The following EDIL3 variants were observed in gnomAD, a reference collection of about 807,000 sequenced individuals.
EDIL3 encodes EGF-like repeat and discoidin I-like domain-containing protein 3.
Under a neutral mutation model 67.4 loss-of-function variants are expected in EDIL3, and 37 were observed. The observed-to-expected ratio is 0.55, with a 90% confidence interval of 0.42 to 0.72. EDIL3 has a LOEUF of 0.72. EDIL3 is among the 30% of genes least tolerant of loss of function. EDIL3 has a pLI of 0.00. For synonymous variants in EDIL3, 195 were observed against 196.3 expected (o/e 0.99, Z 0.05); for missense variants, 527 against 586.3 (o/e 0.90, Z 1.04).
At chr5:83,960,255 A>C (rs1744585191) in intron 10 of EDIL3, among the ~76,000 whole-genome samples, 1 of 151,228 alleles carries the variant, frequency 6.6e-6, no homozygotes, top group Non-Finnish European at 1.5e-5. Context: ...TTTCATTAAA[A>C]AATTTTACAT....
intron 2 of EDIL3, among the ~76,000 whole-genome samples, chr5:84,238,664 T>TG (rs1744727230): frequency 1.2e-5 from 1 of 81,010 alleles, no homozygotes; most frequent in South Asian, 5.3e-4. Flanking sequence ...TAAAATTAAA[T>TG]GTTTTTTTTT....
At chr5:84,036,076 T>G (rs1746017658) in intron 9 of EDIL3, among the ~76,000 whole-genome samples, 1 of 152,198 alleles carries the variant, frequency 6.6e-6, no homozygotes, top group Admixed American at 6.5e-5. Flanking sequence ...TCTCATAGGA[T>G]AGTGTAACAA....
intron 3 of EDIL3, among the ~76,000 whole-genome samples, chr5:84,207,637 C>T (rs1744012743): frequency 6.6e-6 from 1 of 151,556 alleles, no homozygotes; most frequent in African/African-American, 2.4e-5. Flanking sequence ...CACTACCTGA[C>T]TTCAAACTAT....
intron 9 of EDIL3, chr5:84,048,177 A>G: frequency 5.0e-6 from 2 of 400,204 alleles, no homozygotes; most frequent in Admixed American, 6.6e-5. Flanking sequence ...GAAATATTGG[A>G]ACTGTGATTT....
At position 84,378,591 on chromosome 5, in the gene EDIL3, A is replaced by G. The variant is rs534101869; in HGVS notation, c.67+5717T>C. 1.2e-4 allele frequency among the ~76,000 whole-genome samples: 18 copies of G among 152,348 alleles called. 1 individual carries two copies. Among genetic ancestry groups the G allele is most frequent in the Admixed American group, 3.9e-4 (6 of 15,304 alleles). The stretch of plus-strand genomic sequence containing the variant: ...AAAGCCAAGAGAAATAAGCTTTTCT[A>G]TGATACATGATCTAAGACCTAACTA... On this transcript the variant is annotated intron_variant, in intron 1 of 10. Coordinates refer to ENST00000296591, the MANE Select transcript of EDIL3 (RefSeq NM_005711.5).
intron 1 of EDIL3, among the ~76,000 whole-genome samples, chr5:84,383,669 G>C (rs1299291113): frequency 1.3e-5 from 2 of 152,158 alleles, no homozygotes; most frequent in African/African-American, 4.8e-5. Context: ...GACTAGGAGA[G>C]GCGGGTTCCT....
At chr5:84,020,076 CAA>C (rs9293362) in intron 9 of EDIL3, among the ~76,000 whole-genome samples, 4,832 of 128,286 alleles carry the variant, frequency 0.038, 216 homozygotes, top group African/African-American at 0.11. Context: ...ATCTTTTGTA[CAA>C]AAAAAAAAAA....
intron 9 of EDIL3, among the ~76,000 whole-genome samples, chr5:84,023,953 T>G (rs1745767623): frequency 6.6e-6 from 1 of 152,202 alleles, no homozygotes; most frequent in Non-Finnish European, 1.5e-5. Context: ...AGATTAAATT[T>G]GAATAATTAA....
At chr5:84,086,615 A>G (rs962632968) in intron 6 of EDIL3, among the ~76,000 whole-genome samples, 2 of 152,028 alleles carry the variant, frequency 1.3e-5, no homozygotes, top group East Asian at 1.9e-4. Flanking sequence ...TGGCCCCTCC[A>G]AAAAGGGCTT....
In EDIL3 at chr5:83,978,883, T is replaced by C. The variant is rs561937022; in HGVS notation, c.1138-15523A>G. Among the ~76,000 whole-genome samples, 311 of 152,162 alleles carry C rather than the reference T, an allele frequency of 2.0e-3. 3 individuals are homozygous for C. The highest frequency in any genetic ancestry group is 3.5e-3 in the Non-Finnish European group (237 of 67,950). On this transcript the variant is annotated intron_variant, in intron 9 of 10. Transcript: ENST00000296591. ...ACTTCAAGTATTTCAGGAGAAAATA[T>C]GAAAGCTAGCATTTGTGACATGAAG... is the stretch of plus-strand genomic sequence containing the variant.
chr5:84,293,571 A>T (rs1400520951), intron 1 of EDIL3, among the ~76,000 whole-genome samples: 1 of 152,060 alleles, frequency 6.6e-6, no homozygotes, highest in Admixed American at 6.5e-5. Context: ...CATGTGTCCC[A>T]GTTAAATGTC....
At chr5:84,033,698 T>C (rs552275811) in intron 9 of EDIL3, among the ~76,000 whole-genome samples, 11 of 125,046 alleles carry the variant, frequency 8.8e-5, no homozygotes, top group South Asian at 2.8e-4. Flanking sequence ...AGCCAGACAT[T>C]GTCTCTAAAA....
At chr5:84,286,684 G>A (rs1159301437) in intron 1 of EDIL3, among the ~76,000 whole-genome samples, 2 of 152,138 alleles carry the variant, frequency 1.3e-5, no homozygotes, top group Admixed American at 6.6e-5. Flanking sequence ...TGGGGCAATA[G>A]AATAAATAGA....
At chr5:84,290,284 T>C (rs1269524196) in intron 1 of EDIL3, among the ~76,000 whole-genome samples, 1 of 152,136 alleles carries the variant, frequency 6.6e-6, no homozygotes, top group African/African-American at 2.4e-5. Context: ...CATGACACTA[T>C]CTGAGAGCTC....
chr5:83,978,645 G>A (rs1177277321), intron 9 of EDIL3, among the ~76,000 whole-genome samples: 1 of 151,924 alleles, frequency 6.6e-6, no homozygotes. Context: ...ACTGTTATAA[G>A]GATAGACAAG....
chr5:84,070,606 A>AGTGTGTGT (rs35930293), intron 6 of EDIL3, among the ~76,000 whole-genome samples: 3,537 of 144,684 alleles, frequency 0.024, 89 homozygotes, highest in African/African-American at 0.065. Flanking sequence ...TATGGTTAAG[A>AGTGTGTGT]GTGTGTGTGT....
chr5:84,371,444 TATATATAGAGAG>T (rs952205195), intron 1 of EDIL3, among the ~76,000 whole-genome samples: 52 of 70,112 alleles, frequency 7.4e-4, no homozygotes, highest in African/African-American at 2.4e-3. Flanking sequence ...TATATATATA[TATATATAGAGAG>T]AGAGAGAGAG....
At chr5:83,979,493 G>A (rs1220908001) in intron 9 of EDIL3, among the ~76,000 whole-genome samples, 1 of 151,988 alleles carries the variant, frequency 6.6e-6, no homozygotes, top group East Asian at 1.9e-4. Flanking sequence ...AAATAATTAT[G>A]AAAAGTTATA....
In EDIL3 at chr5:84,060,401, T is replaced by C. The variant is rs766764250; in HGVS notation, c.1036A>G (p.Met346Val). The C allele has an allele frequency of 1.2e-6, 2 of 1,613,836 alleles. No individual in the cohort carries two copies. The highest frequency in any genetic ancestry group is 1.7e-6 in the Non-Finnish European group (2 of 1,179,852). The change falls in exon 9 of 11, where the codon ATG (methionine) becomes GTG (valine). Residue 346 changes from methionine (M) to valine (V), a missense_variant. This residue lies in a region of EDIL3 where 494 missense variants were observed against 522.5 expected (regional missense o/e 0.95). Coordinates refer to ENST00000296591, the MANE Select transcript of EDIL3 (RefSeq NM_005711.5). ...TASSIFRTLN[M>V]DMFTWEPRKA... ...CTTGGTTCCCAAGTGAACATGTCCA[T>C]GTTGAGCGTTCTGAAGATGCTGGAG... is the stretch of plus-strand genomic sequence containing the variant.
Sources: gnomAD v4.1 joint callset for allele counts (sites outside exome capture counted in the v4.1 genomes callset) on GRCh38, gnomAD v4.1.1 for gene constraint, gnomAD v4.1.1 regional missense constraint, MANE v1.5 for transcripts, NCBI Gene and HGNC (gene_info 2026-07-23, HGNC 2026-07-21) for gene names.